ZFHX3: variants seen among roughly 807,000 people sequenced by gnomAD.
ZFHX3 encodes zinc finger homeobox 3.
A neutral mutation model predicts 279.1 loss-of-function variants in ZFHX3; 42 were observed. The ratio of observed to expected loss-of-function variants is 0.15; its 90% CI spans 0.12 to 0.19. The LOEUF is 0.19. Ranked by LOEUF, ZFHX3 falls within the 10% of genes least tolerant of loss-of-function variation. The pLI is 1.00. For synonymous variants in ZFHX3, 2,293 were observed against 1,957.8 expected (o/e 1.17, Z -4.52); for missense variants, 4,981 against 4,754.0 (o/e 1.05, Z -1.40).
chr16:72,868,456 A>G (rs747574522), intron 4 of ZFHX3, among the ~76,000 whole-genome samples: 6 of 152,204 alleles, frequency 3.9e-5, no homozygotes, highest in Non-Finnish European at 8.8e-5. Context: ...TGCACCTTAC[A>G]TAAGCTTTCC....
rs146778775 is a variant in ZFHX3 at position 72,957,738 on chromosome 16, G to A, written c.2408C>T (p.Thr803Ile). 87 of 1,614,050 alleles carry A rather than the reference G, an allele frequency of 5.4e-5. No homozygotes were observed. Among genetic ancestry groups the A allele is most frequent in the Non-Finnish European group, 6.8e-5 (80 of 1,180,046 alleles). Residue 803 changes from threonine (T) to isoleucine (I), a missense_variant, in exon 2 of 10, where the codon ACC (threonine) becomes ATC (isoleucine). Transcript: ENST00000268489. ...ATAATCACACACCTCGCACCGCCAG[G>A]TGGGTTTGGTTTTTGGTTTGGTCGG... ...PSPTKPKTKP[T>I]WRCEVCDYET...
chr16:73,369,808 T>G (rs543995294), intron 3 of ZFHX3, among the ~76,000 whole-genome samples: 12 of 152,248 alleles, frequency 7.9e-5, no homozygotes, highest in African/African-American at 1.7e-4. Flanking sequence ...ATAAGAACAC[T>G]AAGCTTAATT....
At chr16:73,331,576 C>A (rs1252190259) in intron 3 of ZFHX3, among the ~76,000 whole-genome samples, 1 of 152,170 alleles carries the variant, frequency 6.6e-6, no homozygotes, top group Non-Finnish European at 1.5e-5. Flanking sequence ...TCCTAAGTGT[C>A]ATGATTTACC....
rs2016019707 is a variant in ZFHX3, at chr16:73,340,926, T to TA, written c.-1290-22591dup. Among the ~76,000 whole-genome samples the TA allele has an allele frequency of 6.6e-5, 10 of 152,196 alleles. No individual in the cohort carries two copies. In the South Asian group the frequency reaches 2.1e-3, roughly 32 times the overall value. Reference sequence around the variant, plus strand: ...TTGATAAATTTGATTATATAACATTTAAAAAATTGCATGAAAAAAACATCA... The same window carrying TA: ...TTGATAAATTTGATTATATAACATTTAAAAAAATTGCATGAAAAAAACATCA... On this transcript the variant is annotated intron_variant, in intron 3 of 17. Transcript: ENST00000641206.
At chr16:73,312,857 T>C (rs1054175236) in intron 4 of ZFHX3, among the ~76,000 whole-genome samples, 2 of 152,228 alleles carry the variant, frequency 1.3e-5, no homozygotes, top group Non-Finnish European at 2.9e-5. Flanking sequence ...CAAACATTTG[T>C]ATAATGCGTA....
At chr16:72,956,412 G>A (rs551506754) in intron 2 of ZFHX3, among the ~76,000 whole-genome samples, 211 of 152,310 alleles carry the variant, frequency 1.4e-3, no homozygotes, top group Non-Finnish European at 1.6e-3. Context: ...GAAGCATACC[G>A]GGTGGAGGCA....
intron 3 of ZFHX3, among the ~76,000 whole-genome samples, chr16:73,408,791 G>A (rs2017412395): frequency 6.6e-6 from 1 of 152,032 alleles, no homozygotes; most frequent in African/African-American, 2.4e-5. Flanking sequence ...GACAGGCATG[G>A]CTTTGCATGG....
chr16:73,699,366 T>A (rs1415162584), intron 1 of ZFHX3, among the ~76,000 whole-genome samples: 1 of 152,142 alleles, frequency 6.6e-6, no homozygotes, highest in Non-Finnish European at 1.5e-5. Flanking sequence ...CAGATGAACA[T>A]ATTTCCCAAA....
chr16:73,750,751 T>C (rs960235144), intron 1 of ZFHX3, among the ~76,000 whole-genome samples: 25 of 152,208 alleles, frequency 1.6e-4, no homozygotes, highest in African/African-American at 5.8e-4. Context: ...TAAGAGAGTC[T>C]GTCTCTGTGT....
At chr16:73,456,185 T>C (rs1431283093) in exon 3 of ZFHX3, 2 of 152,204 alleles carry the variant, frequency 1.3e-5, no homozygotes, top group Admixed American at 6.5e-5. Flanking sequence ...ATCTCTCATA[T>C]GTTCATCTCC....
intron 3 of ZFHX3, among the ~76,000 whole-genome samples, chr16:72,949,647 AGAG>A (rs1257548703): frequency 1.3e-5 from 2 of 151,948 alleles, no homozygotes; most frequent in Non-Finnish European, 2.9e-5. Context: ...GAAAGAGGGA[AGAG>A]GAGAAGAGAC....
chr16:73,651,731 T>C (rs2052673963), intron 2 of ZFHX3, among the ~76,000 whole-genome samples: 1 of 142,822 alleles, frequency 7.0e-6, no homozygotes, highest in Admixed American at 7.1e-5. Flanking sequence ...GGCAGGCTCC[T>C]GTAGTCCCAG....
intron 5 of ZFHX3, among the ~76,000 whole-genome samples, chr16:73,256,719 A>G (rs2013670524): frequency 6.6e-6 from 1 of 152,204 alleles, no homozygotes; most frequent in African/African-American, 2.4e-5. Flanking sequence ...TGCAGATGAA[A>G]AAACTGAGGG....
intron 7 of ZFHX3, among the ~76,000 whole-genome samples, chr16:73,127,944 C>G (rs983811243): frequency 5.3e-5 from 8 of 152,202 alleles, no homozygotes; most frequent in African/African-American, 1.7e-4. Context: ...TGGGTAGAAG[C>G]ATTTAATTAC....
chr16:73,432,394 G>A (rs1018281774), intron 3 of ZFHX3, among the ~76,000 whole-genome samples: 7 of 152,098 alleles, frequency 4.6e-5, no homozygotes, highest in African/African-American at 9.7e-5. Context: ...ATATAAAGCA[G>A]ATCAATTGGA....
intron 3 of ZFHX3, among the ~76,000 whole-genome samples, chr16:73,372,442 T>G (rs528712925): frequency 6.6e-6 from 1 of 152,356 alleles, no homozygotes; most frequent in East Asian, 1.9e-4. Flanking sequence ...GAAAACGTAT[T>G]TGAATTCCCC....
At chr16:73,622,802 T>G (rs185471508) in intron 2 of ZFHX3, among the ~76,000 whole-genome samples, 2 of 152,246 alleles carry the variant, frequency 1.3e-5, no homozygotes, top group African/African-American at 4.8e-5. Flanking sequence ...ATGGCTCATT[T>G]GCATCACAGA....
intron 1 of ZFHX3, among the ~76,000 whole-genome samples, chr16:73,816,628 A>AC: frequency 7.8e-6 from 1 of 127,858 alleles, no homozygotes; most frequent in South Asian, 2.3e-4. Context: ...TTTAAAAGAG[A>AC]TGGGGGGGGA....
intron 1 of ZFHX3, among the ~76,000 whole-genome samples, chr16:73,741,219 C>A (rs2053655149): frequency 6.6e-6 from 1 of 151,862 alleles, no homozygotes; most frequent in Non-Finnish European, 1.5e-5. Flanking sequence ...AATGGGCCAC[C>A]TTTTATAATA....
Sources: gnomAD v4.1 joint callset for allele counts (sites outside exome capture counted in the v4.1 genomes callset) on GRCh38, gnomAD v4.1.1 for gene constraint, MANE v1.5 for transcripts, NCBI Gene and HGNC (gene_info 2026-07-23, HGNC 2026-07-21) for gene names.